CASP9: variants seen among roughly 807,000 people sequenced by gnomAD.
CASP9 encodes caspase-9.
A neutral mutation model predicts 43.5 loss-of-function variants in CASP9; 29 were observed. The ratio of observed to expected loss-of-function variants is 0.67; its 90% CI spans 0.50 to 0.91. The LOEUF is 0.91. CASP9 is among the 40% of genes least tolerant of loss of function. The pLI, the probability that CASP9 is intolerant of heterozygous loss-of-function variation, is 0.00. For synonymous variants in CASP9, 206 were observed against 211.9 expected (o/e 0.97, Z 0.24); for missense variants, 575 against 537.4 (o/e 1.07, Z -0.69).
chr1:15,492,892 G>A lies in CASP9; in HGVS notation c.*51C>T. On this transcript the variant is annotated 3_prime_UTR_variant, in exon 9 of 9. Transcript: ENST00000333868. ...CAGGCCTCAGCCTCTTTCAGGCCTGGGGCAGGAAAGCTTTGGGGTGCAAGA... is the reference window on the plus strand; with the variant it reads ...CAGGCCTCAGCCTCTTTCAGGCCTGAGGCAGGAAAGCTTTGGGGTGCAAGA... 6.2e-7 allele frequency: 1 copy of A among 1,606,610 alleles called. No individual in the cohort carries two copies. The highest frequency in any genetic ancestry group is 2.2e-5 in the East Asian group (1 of 44,878).
At chr1:15,518,678 G>A (rs1388637332) in intron 1 of CASP9, among the ~76,000 whole-genome samples, 1 of 152,206 alleles carries the variant, frequency 6.6e-6, no homozygotes, top group Non-Finnish European at 1.5e-5. Context: ...AGACAAATCA[G>A]CAATGACACA....
At chr1:15,523,375 G>C (rs948157063) in intron 1 of CASP9, among the ~76,000 whole-genome samples, 1 of 152,202 alleles carries the variant, frequency 6.6e-6, no homozygotes, top group African/African-American at 2.4e-5. Flanking sequence ...TAAGTGACTG[G>C]CCCAAGAACA....
intron 2 of CASP9, among the ~76,000 whole-genome samples, chr1:15,516,479 A>AC (rs1222214307): frequency 1.3e-4 from 6 of 46,834 alleles, no homozygotes; most frequent in Non-Finnish European, 3.0e-4. Context: ...CCTTGCCTCA[A>AC]TTAAAAAAAA....
chr1:15,497,413 G>A (rs927113056), intron 6 of CASP9, among the ~76,000 whole-genome samples: 1 of 151,918 alleles, frequency 6.6e-6, no homozygotes, highest in Admixed American at 6.6e-5. Context: ...GGGAGACCGA[G>A]GCTGGTGGAT....
At chr1:15,508,324 T>C (rs1159890517) in intron 2 of CASP9, among the ~76,000 whole-genome samples, 1 of 152,238 alleles carries the variant, frequency 6.6e-6, no homozygotes, top group Non-Finnish European at 1.5e-5. Context: ...AGAAAGAAAT[T>C]ATTTAGGCAG....
At chr1:15,522,714 A>C (rs1710253985) in intron 1 of CASP9, among the ~76,000 whole-genome samples, 1 of 152,168 alleles carries the variant, frequency 6.6e-6, no homozygotes. Context: ...CCCTGCCTCA[A>C]AATAAGTGTA....
chr1:15,497,887 T>C (rs999679825), intron 6 of CASP9, among the ~76,000 whole-genome samples: 3 of 152,138 alleles, frequency 2.0e-5, no homozygotes, highest in African/African-American at 7.2e-5. Flanking sequence ...CACTTCCTGA[T>C]TTCAAAACTT....
chr1:15,504,622 G>T lies in CASP9; in HGVS notation c.857C>A (p.Ala286Asp). 2.5e-6 allele frequency: 4 copies of T among 1,613,320 alleles called. No individual in the cohort carries two copies. The highest frequency in any genetic ancestry group is 3.4e-6 in the Non-Finnish European group (4 of 1,179,644). The part of the protein sequence containing the change: ...GGKPKLFFIQ[A>D]CGGEQKDHGF... ...GAGGAGCTGCTTACCCCCACCACAG[G>T]CCTGGATGAAAAAGAGCTTGGGCTT... Residue 286 changes from alanine (A) to aspartate (D), a missense_variant, in exon 6 of 9, where the codon GCC becomes GAC. Physicochemically the swap from Ala to Asp is moderately radical, Grantham distance 126. Transcript: ENST00000333868.
At chr1:15,517,686 A>G (rs1274489251) in intron 2 of CASP9, among the ~76,000 whole-genome samples, 2 of 152,200 alleles carry the variant, frequency 1.3e-5, no homozygotes, top group Non-Finnish European at 2.9e-5. Context: ...CGAAGAAGGT[A>G]AGGGTAAATA....
chr1:15,523,519 A>C (rs895817316), intron 1 of CASP9, among the ~76,000 whole-genome samples: 3 of 152,240 alleles, frequency 2.0e-5, no homozygotes, highest in African/African-American at 7.2e-5. Flanking sequence ...ATTCCTGAGC[A>C]GACAAAACCA....
upstream of CASP9, chr1:15,524,412 G>T (rs559748053): frequency 1.0e-5 from 13 of 1,262,518 alleles, no homozygotes; most frequent in Non-Finnish European, 1.2e-5. Flanking sequence ...CCCTCAGGAC[G>T]CACCTCTGCG....
intron 5 of CASP9, 100 bp from the exon 6 acceptor site, chr1:15,504,858 A>C (rs894288801): frequency 3.3e-6 from 4 of 1,206,158 alleles, no homozygotes; most frequent in Non-Finnish European, 4.7e-6. Context: ...TGGAAGGTCA[A>C]AGCCAGGGGC....
chr1:15,515,882 C>A (rs190000931), intron 2 of CASP9, among the ~76,000 whole-genome samples: 3 of 152,054 alleles, frequency 2.0e-5, no homozygotes, highest in Non-Finnish European at 2.9e-5. Context: ...ACGGTAAGAC[C>A]CTATCTCTAC....
In CASP9 at chr1:15,491,520, G is replaced by A; in HGVS notation, c.*1423C>T. On this transcript the variant is annotated 3_prime_UTR_variant, in exon 9 of 9. Coordinates refer to ENST00000333868, the MANE Select transcript of CASP9 (RefSeq NM_001229.5). The stretch of plus-strand genomic sequence containing the variant: ...AGCCTGTAACCCCTGCACTTTGGGA[G>A]GCTAAGGCAGGCTGATCGCTTGAGT... 1 of 585,182 alleles carries A rather than the reference G, an allele frequency of 1.7e-6. No individual in the cohort carries two copies. Among genetic ancestry groups the A allele is most frequent in the Non-Finnish European group, 3.0e-6 (1 of 338,256 alleles). The allele number at this position is 585,182 out of a possible 1,614,324, so 36.2% of individuals were successfully genotyped here.
upstream of CASP9, chr1:15,524,232 T>A: frequency 1.3e-6 from 2 of 1,528,340 alleles, no homozygotes; most frequent in African/African-American, 2.8e-5. Context: ...CCAGGCCGCC[T>A]CAGTCCGCTT....
chr1:15,498,483 A>C (rs1234742282), intron 6 of CASP9, among the ~76,000 whole-genome samples: 1 of 150,000 alleles, frequency 6.7e-6, no homozygotes, highest in Non-Finnish European at 1.5e-5. Context: ...TAAGATAGTA[A>C]ATTTTATGTT....
intron 1 of CASP9, among the ~76,000 whole-genome samples, chr1:15,521,016 G>A (rs796104050): frequency 3.1e-4 from 47 of 152,218 alleles, no homozygotes; most frequent in African/African-American, 1.1e-3. Context: ...AATTAGCCGG[G>A]CGTGGTGGCG....
In CASP9 at chr1:15,506,034, C is replaced by T; in HGVS notation, c.676G>A (p.Ala226Thr). ...ATGACCACCACGCAGCAGTCCAGAG[C>T]ACCGTGGTCCTGCTGCGCCAGCTCC... ...LLELAQQDHG[A>T]LDCCVVVILS... The change falls in exon 5 of 9, where the codon GCT becomes ACT. Residue 226 changes from alanine to threonine, a missense_variant. By Grantham distance (58) the Ala-to-Thr change is moderately conservative. Coordinates refer to ENST00000333868, the MANE Select transcript of CASP9 (RefSeq NM_001229.5). 1 of 1,614,186 alleles carries T rather than the reference C, an allele frequency of 6.2e-7. No homozygotes were observed. Among genetic ancestry groups the T allele is most frequent in the Non-Finnish European group, 8.5e-7 (1 of 1,180,004 alleles).
chr1:15,523,585 T>C (rs1015756311), intron 1 of CASP9, among the ~76,000 whole-genome samples: 2 of 152,184 alleles, frequency 1.3e-5, no homozygotes, highest in Admixed American at 1.3e-4. Context: ...AAGCAAAATT[T>C]AACTTGGGTC....
Sources: gnomAD v4.1 joint callset for allele counts (sites outside exome capture counted in the v4.1 genomes callset) on GRCh38, gnomAD v4.1.1 for gene constraint, MANE v1.5 for transcripts, NCBI Gene and HGNC (gene_info 2026-07-23, HGNC 2026-07-21) for gene names.